ALOXE3: variants seen among roughly 807,000 people sequenced by gnomAD.
ALOXE3 encodes hydroperoxide isomerase ALOXE3.
A neutral mutation model predicts 87.5 loss-of-function variants in ALOXE3; 78 were observed. The observed-to-expected ratio is 0.89, with a 90% CI of 0.74 to 1.08. The LOEUF (loss-of-function observed/expected upper bound fraction) is 1.08. Ranked by LOEUF, ALOXE3 falls within the 50% of genes least tolerant of loss-of-function variation. ALOXE3 has a pLI of 0.00. For synonymous variants in ALOXE3, 363 were observed against 370.8 expected (o/e 0.98, Z 0.24); for missense variants, 946 against 912.4 (o/e 1.04, Z -0.47).
chr17:8,109,299 C>G lies in ALOXE3; in HGVS notation c.1437G>C (p.Thr479=), dbSNP rs767246830. The change falls in exon 12 of 16, where the codon ACG becomes ACC. Residue 479 remains threonine, a synonymous_variant. Coordinates refer to ENST00000448843, the MANE Select transcript of ALOXE3 (RefSeq NM_021628.3). ...TGGTGTAGGTGAAGTGGGCCAGGCC[C>G]GTGCTCATGAGGTAGATGAGGCCTT... ...GRQGLIYLMS[T]GLAHFTYTNF... 1 of 1,614,104 alleles carries G rather than the reference C, an allele frequency of 6.2e-7. No homozygotes were observed. Among genetic ancestry groups the G allele is most frequent in the South Asian group, 1.1e-5 (1 of 91,084 alleles).
chr17:8,105,655 G>C (rs528901116), intron 13 of ALOXE3, among the ~76,000 whole-genome samples: 2 of 152,300 alleles, frequency 1.3e-5, no homozygotes, highest in South Asian at 4.1e-4. Flanking sequence ...TAAGAAGCCA[G>C]AGCATGGGAG....
Position 8,111,544 on chromosome 17 carries a change from AG to A in ALOXE3, c.785-14del. 6.2e-7 allele frequency: 1 copy of A among 1,614,104 alleles called. No individual in the cohort carries two copies. Among genetic ancestry groups the A allele is most frequent in the Non-Finnish European group, 8.5e-7 (1 of 1,180,002 alleles). ...TCTGTGACATACTCTGGGATACAAG[AG>A]AGGGGACCAGTTGGTCTAGAAACTA... On this transcript the variant is annotated splice_polypyrimidine_tract_variant and intron_variant, in intron 7 of 15. Coordinates refer to ENST00000448843, the MANE Select transcript of ALOXE3 (RefSeq NM_021628.3).
Position 8,096,276 on chromosome 17 carries a change from A to C in ALOXE3, c.*351T>G. On this transcript the variant is annotated 3_prime_UTR_variant, in exon 16 of 16. Coordinates refer to ENST00000448843, the MANE Select transcript of ALOXE3 (RefSeq NM_021628.3). ...AGGAGAAGGAGTTTGGGGATTGGGG[A>C]GGATGAGGGAGAAAAGCTCAGAAAC... is the stretch of plus-strand genomic sequence containing the variant. 4.2e-6 allele frequency: 1 copy of C among 238,490 alleles called. No individual in the cohort carries two copies. The highest frequency in any genetic ancestry group is 1.0e-4 in the East Asian group (1 of 9,892). The allele number at this position is 238,490 out of a possible 1,614,324, so 14.8% of individuals were successfully genotyped here.
intron 14 of ALOXE3, 84 bp downstream of exon 14, chr17:8,104,031 C>A: frequency 5.7e-6 from 7 of 1,221,404 alleles, no homozygotes; most frequent in Non-Finnish European, 8.3e-6. Context: ...CCAACGCTGA[C>A]CCACCCAAGC....
chr17:8,109,053 G>T (rs1979763619), intron 12 of ALOXE3, 121 bp downstream of exon 12: 10 of 1,439,104 alleles, frequency 6.9e-6, no homozygotes, highest in Non-Finnish European at 9.5e-6. Flanking sequence ...ATACCCTCAA[G>T]AATTCCCTAT....
rs550445252 is a variant in ALOXE3 at position 8,111,011 on chromosome 17, C to G, written c.957+348G>C. Among the ~76,000 whole-genome samples, 139 of 152,306 alleles carry G rather than the reference C, an allele frequency of 9.1e-4. 1 individual carries two copies. Among genetic ancestry groups the G allele is most frequent in the African/African-American group, 2.8e-3 (118 of 41,548 alleles). ...TGATCTTCCCTGATGCATCTGGTGG[C>G]CCTACCATTGGCCTGTCCTAAAACA... On this transcript the variant is annotated intron_variant, in intron 8 of 15. Transcript: ENST00000448843.
intron 11 of ALOXE3, 152 bp downstream of exon 11, chr17:8,109,764 C>T (rs997200811): frequency 1.7e-5 from 14 of 800,866 alleles, no homozygotes; most frequent in Non-Finnish European, 2.4e-5. Context: ...GCGGAGTGGG[C>T]GGGGCTGGTG....
intron 13 of ALOXE3, among the ~76,000 whole-genome samples, chr17:8,105,857 G>A (rs1280099343): frequency 7.0e-6 from 1 of 142,048 alleles, no homozygotes; most frequent in Non-Finnish European, 1.5e-5. Flanking sequence ...CAAGGCTGCA[G>A]TGAGCTGTGA....
Position 8,104,947 on chromosome 17 carries a change from C to T in ALOXE3, c.1685-732G>A, listed in dbSNP as rs562079079. Among the ~76,000 whole-genome samples, 5 of 152,304 alleles carry T rather than the reference C, an allele frequency of 3.3e-5. No homozygotes were observed. In the South Asian group the frequency reaches 8.3e-4, roughly 25 times the overall value. ...CTAACCACCTCCCACTTGCCAACAACTCCCAAATTCCCTTCTCTGGCTGTG... is the reference window on the plus strand; with the variant it reads ...CTAACCACCTCCCACTTGCCAACAATTCCCAAATTCCCTTCTCTGGCTGTG... On this transcript the variant is annotated intron_variant, in intron 13 of 15. Transcript: ENST00000448843.
chr17:8,110,381 T>C lies in ALOXE3; in HGVS notation c.1101+4A>G, dbSNP rs1979956411. 6.2e-7 allele frequency: 1 copy of C among 1,605,392 alleles called. No individual in the cohort carries two copies. The highest frequency in any genetic ancestry group is 8.5e-7 in the Non-Finnish European group (1 of 1,174,676). On this transcript the variant is annotated splice_donor_region_variant and intron_variant, in intron 9 of 15. Coordinates refer to ENST00000448843, the MANE Select transcript of ALOXE3 (RefSeq NM_021628.3). ...CCATCCCGGGGCGGCGGCGCCGGGC[T>C]CACCTGGATGGCCAAGGGCACCAGC...
At chr17:8,118,663 C>A, upstream of ALOXE3, 2 of 1,537,312 alleles carry the variant, frequency 1.3e-6, no homozygotes, top group Non-Finnish European at 1.7e-6. Flanking sequence ...CCACGCATGG[C>A]CCTCTTTGTC....
intron 13 of ALOXE3, among the ~76,000 whole-genome samples, chr17:8,107,724 G>A (rs1304555191): frequency 1.3e-5 from 2 of 150,168 alleles, no homozygotes; most frequent in Non-Finnish European, 3.0e-5. Flanking sequence ...GCGTGAACCC[G>A]GGAGGCGGAG....
At chr17:8,111,611 T>G (rs533064046) in intron 7 of ALOXE3, 80 bp from the exon 8 acceptor site, 3 of 1,516,284 alleles carry the variant, frequency 2.0e-6, no homozygotes, top group East Asian at 4.5e-5. Flanking sequence ...TTGCTTATCA[T>G]TGTGGTTTAG....
At chr17:8,099,145 A>T (rs920196649) in intron 15 of ALOXE3, among the ~76,000 whole-genome samples, 1 of 150,728 alleles carries the variant, frequency 6.6e-6, no homozygotes, top group African/African-American at 2.4e-5. Flanking sequence ...GGCATGAGCC[A>T]CTGCACCCGG....
In ALOXE3 at chr17:8,109,955, C is replaced by T. The variant is rs1276445364; in HGVS notation, c.1353G>A (p.Ala451=). ...TRYTLQVNTI[A]RATLLNPEGL... ...CCTCGGGGTTGAGCAGCGTGGCCCT[C>T]GCGATGGTGTTCACCTGCAGCGTGT... The change falls in exon 11 of 16, where the codon GCG becomes GCA. Residue 451 remains alanine, a synonymous_variant. Coordinates refer to ENST00000448843, the MANE Select transcript of ALOXE3 (RefSeq NM_021628.3). 14 of 1,551,154 alleles carry T rather than the reference C, an allele frequency of 9.0e-6. No homozygotes were observed. Among genetic ancestry groups the T allele is most frequent in the Admixed American group, 2.0e-5 (1 of 50,976 alleles).
At chr17:8,110,779 C>T (rs2151840312) in intron 8 of ALOXE3, among the ~76,000 whole-genome samples, 1 of 152,346 alleles carries the variant, frequency 6.6e-6, no homozygotes, top group Middle Eastern at 3.4e-3. Flanking sequence ...CTCCTCCTCA[C>T]CTCATACCTA....
chr17:8,117,599 A>G (rs1482940553), intron 2 of ALOXE3, among the ~76,000 whole-genome samples: 3 of 152,172 alleles, frequency 2.0e-5, no homozygotes, highest in Non-Finnish European at 2.9e-5. Context: ...ACGGTCAATT[A>G]TGGGAGGAGT....
intron 3 of ALOXE3, among the ~76,000 whole-genome samples, 177 bp downstream of exon 3, chr17:8,116,599 G>T (rs1980609006): frequency 6.6e-6 from 1 of 152,186 alleles, no homozygotes; most frequent in Non-Finnish European, 1.5e-5. Context: ...AATACCGTCT[G>T]CAAAACCCTC....
At chr17:8,101,183 T>G (rs1402858111) in intron 15 of ALOXE3, among the ~76,000 whole-genome samples, 1 of 152,112 alleles carries the variant, frequency 6.6e-6, no homozygotes, top group African/African-American at 2.4e-5. Flanking sequence ...TGCATCATCA[T>G]GCCCACCTAA....
Sources: gnomAD v4.1 joint callset for allele counts (sites outside exome capture counted in the v4.1 genomes callset) on GRCh38, gnomAD v4.1.1 for gene constraint, MANE v1.5 for transcripts, NCBI Gene and HGNC (gene_info 2026-07-23, HGNC 2026-07-21) for gene names.